Variants in CEP152 observed in about 807,000 individuals in gnomAD.
CEP152 encodes centrosomal protein 152.
In CEP152, 132 loss-of-function variants were observed where a neutral mutation model predicts 188.9. The observed-to-expected ratio is 0.70, with a 90% confidence interval of 0.61 to 0.81. CEP152 has a LOEUF of 0.81. CEP152 is among the 30% of genes least tolerant of loss of function. The pLI is 0.00. For missense variants in CEP152, 1,914 were observed against 1,969.8 expected, an observed-to-expected ratio of 0.97 and a Z score of 0.54; for synonymous variants, 649 against 666.6, an observed-to-expected ratio of 0.97 and a Z score of 0.41.
intron 2 of CEP152, among the ~76,000 whole-genome samples, chr15:48,730,800 G>T (rs1484148450): frequency 2.0e-5 from 3 of 152,172 alleles, no homozygotes; most frequent in African/African-American, 7.2e-5. Flanking sequence ...ACACCATAGA[G>T]GATTTTGCAG....
downstream of CEP152, among the ~76,000 whole-genome samples, chr15:48,733,093 A>G (rs1369389446): frequency 6.6e-6 from 1 of 152,128 alleles, no homozygotes; most frequent in African/African-American, 2.4e-5. Context: ...TAAAATATAT[A>G]CATACATATA....
rs764921518 is a variant in CEP152 at position 48,805,637 on chromosome 15, A to G, written c.13T>C (p.Phe5Leu). ...TGCACTGGTAGTGCCACACTGCCAA[A>G]GTCTAATGACATGGTCCTCCTGTGG... MSLD[F>L]GSVALPVQNE... The change falls in exon 2 of 27, where the codon TTT (phenylalanine) becomes CTT (leucine). Residue 5 changes from phenylalanine (F) to leucine (L), a missense_variant. Phe to Leu is a conservative substitution (Grantham distance 22, BLOSUM62 0). Coordinates refer to ENST00000380950, the MANE Select transcript of CEP152 (RefSeq NM_001194998.2). 1 of 1,613,680 alleles carries G rather than the reference A, an allele frequency of 6.2e-7. No homozygotes were observed.
Position 48,772,521 on chromosome 15 carries a change from T to A in CEP152, c.1748A>T (p.Gln583Leu), listed in dbSNP as rs1300385984. 3 of 1,613,692 alleles carry A rather than the reference T, an allele frequency of 1.9e-6. No individual in the cohort carries two copies. Among genetic ancestry groups the A allele is most frequent in the Non-Finnish European group, 8.5e-7 (1 of 1,180,010 alleles). The change falls in exon 13 of 27, where the codon CAA becomes CTA. Residue 583 changes from glutamine (Q) to leucine (L), a missense_variant. By Grantham distance (113) the Gln-to-Leu change is moderately radical. Transcript: ENST00000380950. ...DCHKKIEDLHQVKKDEKSIEV... is the reference protein window; with the variant it reads ...DCHKKIEDLHLVKKDEKSIEV... ...AATGCTTTTTTCATCCTTCTTCACTTGGTGGAGATCTTCAATTTTCTTATG... is the reference window on the plus strand; with the variant it reads ...AATGCTTTTTTCATCCTTCTTCACTAGGTGGAGATCTTCAATTTTCTTATG...
intron 13 of CEP152, among the ~76,000 whole-genome samples, chr15:48,771,877 C>A (rs1895557022): frequency 6.6e-6 from 1 of 152,170 alleles, no homozygotes; most frequent in African/African-American, 2.4e-5. Flanking sequence ...TTGAATATCT[C>A]ATGAAATTTA....
chr15:48,808,085 T>C (rs1407179191), intron 1 of CEP152, among the ~76,000 whole-genome samples: 2 of 152,108 alleles, frequency 1.3e-5, no homozygotes, highest in South Asian at 2.1e-4. Context: ...ATTTCAGACA[T>C]AAAGGGAAAC....
At chr15:48,759,308 G>A (rs1894508161) in intron 19 of CEP152, among the ~76,000 whole-genome samples, 1 of 151,980 alleles carries the variant, frequency 6.6e-6, no homozygotes, top group Non-Finnish European at 1.5e-5. Flanking sequence ...CATTAACCTA[G>A]AATTTATTGT....
chr15:48,734,197 A>T (rs1892518443), downstream of CEP152, among the ~76,000 whole-genome samples: 1 of 150,260 alleles, frequency 6.7e-6, no homozygotes, highest in South Asian at 2.1e-4. Context: ...TGTAATATAT[A>T]CATATATACA....
At position 48,805,586 on chromosome 15, in the gene CEP152, C is replaced by G. The variant is rs1897933725; in HGVS notation, c.64G>C (p.Glu22Gln). The change falls in exon 2 of 27, where the codon GAG becomes CAG. Residue 22 changes from glutamate to glutamine, a missense_variant. Transcript: ENST00000380950. ...ACCTCTTTCTCTCTTTCATAGTCCTCTTCGTCATACTCTTCATCTTCATTT... is the reference window on the plus strand; with the variant it reads ...ACCTCTTTCTCTCTTTCATAGTCCTGTTCGTCATACTCTTCATCTTCATTT... ...VQNEDEEYDE[E>Q]DYEREKELQQ... The G allele has an allele frequency of 6.3e-7, 1 of 1,592,094 alleles. No homozygotes were observed. The highest frequency in any genetic ancestry group is 8.5e-7 in the Non-Finnish European group (1 of 1,171,042).
intron 7 of CEP152, 28 bp downstream of exon 7, chr15:48,793,293 T>TC (rs1238581541): frequency 6.2e-7 from 1 of 1,612,482 alleles, no homozygotes; most frequent in African/African-American, 1.3e-5. Flanking sequence ...TCAGTGTACC[T>TC]CATAAATGAC....
At chr15:48,807,518 G>A (rs993798901) in intron 1 of CEP152, among the ~76,000 whole-genome samples, 3 of 149,060 alleles carry the variant, frequency 2.0e-5, no homozygotes, top group African/African-American at 7.4e-5. Flanking sequence ...TTGCGCCACT[G>A]CAGTCCGCAG....
At chr15:48,761,400 A>C (rs2140708407) in intron 18 of CEP152, among the ~76,000 whole-genome samples, 1 of 152,352 alleles carries the variant, frequency 6.6e-6, no homozygotes, top group African/African-American at 2.4e-5. Flanking sequence ...AGTTTATAAT[A>C]AGTAATAAAA....
chr15:48,743,277 A>G (rs1236919314), intron 24 of CEP152, among the ~76,000 whole-genome samples: 1 of 152,208 alleles, frequency 6.6e-6, no homozygotes. Context: ...GAAACTTCAG[A>G]CTTTTCCTGC....
At chr15:48,730,681 C>A (rs1345639569) in intron 2 of CEP152, among the ~76,000 whole-genome samples, 1 of 152,006 alleles carries the variant, frequency 6.6e-6, no homozygotes, top group Non-Finnish European at 1.5e-5. Context: ...AGCCTTCAAC[C>A]AATAATTGAA....
rs574109256 is a variant in CEP152 at position 48,775,946 on chromosome 15, C to T, written c.1578-3255G>A. On this transcript the variant is annotated intron_variant, in intron 12 of 26. Coordinates refer to ENST00000380950, the MANE Select transcript of CEP152 (RefSeq NM_001194998.2). ...GTAAAAAAAAAAAGAAAAGAAAACC[C>T]AAACACCTAACGTATGAGTTTCCTT... Among the ~76,000 whole-genome samples, 10 of 151,218 alleles carry T rather than the reference C, an allele frequency of 6.6e-5. No individual in the cohort carries two copies. The East Asian group carries it at 1.9e-3, about 29-fold the overall frequency.
At chr15:48,795,228 G>A (rs1427556126) in intron 6 of CEP152, among the ~76,000 whole-genome samples, 1 of 151,950 alleles carries the variant, frequency 6.6e-6, no homozygotes, top group Admixed American at 6.6e-5. Context: ...GAATTCTCTA[G>A]TACCTATAAG....
chr15:48,748,326 G>T (rs530380628), intron 22 of CEP152, 117 bp downstream of exon 22: 328 of 1,299,472 alleles, frequency 2.5e-4, no homozygotes, highest in Non-Finnish European at 3.1e-4. Flanking sequence ...ATCCAAATTA[G>T]TTTATATTAA....
Position 48,797,812 on chromosome 15 carries a change from C to G in CEP152, c.192-82G>C, listed in dbSNP as rs1595696864. The G allele has an allele frequency of 5.8e-6, 9 of 1,557,160 alleles. No individual in the cohort carries two copies. In the East Asian group the frequency reaches 2.0e-4, roughly 35 times the overall value. The stretch of plus-strand genomic sequence containing the variant: ...ACACAAAGAACCCCAAGATTTTAAC[C>G]TTTTTCCTTCCAATCTTCACCCAAA... On this transcript the variant is annotated intron_variant, in intron 3 of 26. Transcript: ENST00000380950.
Position 48,741,744 on chromosome 15 carries a change from G to GA in CEP152, c.3990-41dup, listed in dbSNP as rs776625441. 1.3e-5 allele frequency: 21 copies of GA among 1,612,590 alleles called. No individual in the cohort carries two copies. The East Asian group carries it at 4.0e-4, about 31-fold the overall frequency. ...AGAATATTAAAAATATAGTTTAAAGGAAAAAATGAGTTGCCTTAGCCCCAT... is the reference window on the plus strand; with the variant it reads ...AGAATATTAAAAATATAGTTTAAAGGAAAAAAATGAGTTGCCTTAGCCCCAT... On this transcript the variant is annotated intron_variant, in intron 25 of 26. Coordinates refer to ENST00000380950, the MANE Select transcript of CEP152 (RefSeq NM_001194998.2).
downstream of CEP152, among the ~76,000 whole-genome samples, chr15:48,734,035 C>T (rs149852386): frequency 3.2e-4 from 48 of 152,106 alleles, no homozygotes; most frequent in East Asian, 8.7e-3. Flanking sequence ...GAAATGACAA[C>T]AGACCTGGCA....
Sources: gnomAD v4.1 joint callset for allele counts (sites outside exome capture counted in the v4.1 genomes callset) on GRCh38, gnomAD v4.1.1 for gene constraint, MANE v1.5 for transcripts, NCBI Gene and HGNC (gene_info 2026-07-23, HGNC 2026-07-21) for gene names.